PCMTD1: variants seen among roughly 807,000 people sequenced by gnomAD.
PCMTD1 encodes the protein protein-L-isoaspartate O-methyltransferase domain-containing protein 1.
PCMTD1 carries 12 observed loss-of-function variants against 37.6 expected under a neutral mutation model. The observed-to-expected ratio is 0.32, with a 90% CI of 0.20 to 0.52. PCMTD1 has a LOEUF of 0.52. Among genes scored for constraint, PCMTD1 ranks in the 20% least tolerant of loss-of-function variants. PCMTD1 has a pLI of 0.97. For synonymous variants in PCMTD1, 117 were observed against 135.8 expected, an observed-to-expected ratio of 0.86 and a Z score of 0.96; for missense variants, 235 against 421.3, an observed-to-expected ratio of 0.56 and a Z score of 3.87.
In PCMTD1 at chr8:51,833,507, G is replaced by C; in HGVS notation, c.582+11C>G. 1 of 1,595,354 alleles carries C rather than the reference G, an allele frequency of 6.3e-7. No individual in the cohort carries two copies. The highest frequency in any genetic ancestry group is 2.3e-5 in the East Asian group (1 of 43,974). ...TCCTAGGCCACTAAAGAAAAGGAGA[G>C]TGGAAGTTACCTGATCCTCTATAGG... On this transcript the variant is annotated intron_variant, in intron 4 of 5. Transcript: ENST00000522514.
intron 2 of PCMTD1, among the ~76,000 whole-genome samples, chr8:51,856,363 G>T (rs1166649833): frequency 1.3e-5 from 2 of 152,136 alleles, no homozygotes; most frequent in African/African-American, 4.8e-5. Context: ...GAAGTAACAA[G>T]TATTAGTGAG....
chr8:51,873,598 G>A (rs13267846), intron 1 of PCMTD1, among the ~76,000 whole-genome samples: 104,451 of 151,938 alleles, frequency 0.69, 42,356 homozygotes, highest in Non-Finnish European at 0.9. Context: ...CCCAATTGCA[G>A]GCAGTGATTG....
intron 2 of PCMTD1, among the ~76,000 whole-genome samples, chr8:51,858,342 T>C (rs1352862797): frequency 1.3e-5 from 2 of 152,176 alleles, no homozygotes; most frequent in Non-Finnish European, 2.9e-5. Flanking sequence ...GTTATCCCTA[T>C]CTTGTGAGTG....
rs950300100 is a variant in PCMTD1 at position 51,846,696 on chromosome 8, G to A, written c.308-933C>T. Among the ~76,000 whole-genome samples the A allele has an allele frequency of 9.9e-5, 15 of 152,166 alleles. 1 individual carries two copies. The highest frequency in any genetic ancestry group is 9.8e-4 in the Admixed American group (15 of 15,268). ...TCTACCAAATGTCTAAAACAACAGT[G>A]CATATTTGGATTGTTTCTACTGACC... On this transcript the variant is annotated intron_variant, in intron 2 of 5. Coordinates refer to ENST00000522514, the MANE Select transcript of PCMTD1 (RefSeq NM_052937.4).
At chr8:51,842,475 C>T (rs2038161674) in intron 3 of PCMTD1, among the ~76,000 whole-genome samples, 1 of 151,930 alleles carries the variant, frequency 6.6e-6, no homozygotes, top group Admixed American at 6.6e-5. Flanking sequence ...GAACCATACC[C>T]AGCTAATTTT....
chr8:51,892,583 G>A (rs71513560), intron 1 of PCMTD1, among the ~76,000 whole-genome samples: 9,410 of 152,278 alleles, frequency 0.062, 382 homozygotes, highest in Non-Finnish European at 0.088. Flanking sequence ...CCTTCAAAGT[G>A]TTGTCACAAC....
intron 1 of PCMTD1, among the ~76,000 whole-genome samples, chr8:51,887,676 TAA>T (rs1020931278): frequency 1.0e-4 from 14 of 139,380 alleles, no homozygotes; most frequent in Non-Finnish European, 1.4e-4. Flanking sequence ...TAAAATAAAT[TAA>T]AAAAAAAAAA....
intron 3 of PCMTD1, among the ~76,000 whole-genome samples, chr8:51,843,075 A>G (rs893047667): frequency 2.0e-5 from 3 of 152,174 alleles, no homozygotes; most frequent in Non-Finnish European, 2.9e-5. Context: ...AAGTTTAACT[A>G]TTATCCACAA....
intron 3 of PCMTD1, among the ~76,000 whole-genome samples, chr8:51,842,605 T>C (rs2038163655): frequency 6.6e-6 from 1 of 151,976 alleles, no homozygotes; most frequent in Non-Finnish European, 1.5e-5. Context: ...GATTATAGTG[T>C]CAGCCACCAC....
intron 1 of PCMTD1, among the ~76,000 whole-genome samples, chr8:51,874,488 A>G (rs2038684645): frequency 6.6e-6 from 1 of 152,230 alleles, no homozygotes; most frequent in Non-Finnish European, 1.5e-5. Context: ...TTAAATGGTT[A>G]CTGTATTTTC....
At chr8:51,857,313 A>G (rs1019682876) in intron 2 of PCMTD1, among the ~76,000 whole-genome samples, 11 of 152,254 alleles carry the variant, frequency 7.2e-5, no homozygotes, top group South Asian at 2.1e-4. Context: ...CTAGGGAAAT[A>G]GGCAAGAGAC....
At chr8:51,881,067 T>C (rs1399724024) in intron 1 of PCMTD1, among the ~76,000 whole-genome samples, 1 of 152,150 alleles carries the variant, frequency 6.6e-6, no homozygotes, top group Non-Finnish European at 1.5e-5. Context: ...CTCATCTTCT[T>C]CCCAAATCAA....
At chr8:51,847,770 A>G (rs1172187908) in intron 2 of PCMTD1, among the ~76,000 whole-genome samples, 1 of 152,018 alleles carries the variant, frequency 6.6e-6, no homozygotes, top group Non-Finnish European at 1.5e-5. Context: ...AGATGTTTAC[A>G]TTTTCATTAT....
intron 1 of PCMTD1, among the ~76,000 whole-genome samples, chr8:51,883,054 G>A (rs13277735): frequency 0.69 from 103,839 of 151,162 alleles, 42,131 homozygotes; most frequent in Non-Finnish European, 0.9. Flanking sequence ...GGAGAATGGC[G>A]TGAACCCAGG....
intron 1 of PCMTD1, among the ~76,000 whole-genome samples, chr8:51,868,912 T>C (rs935099733): frequency 8.5e-5 from 13 of 152,154 alleles, no homozygotes; most frequent in African/African-American, 3.1e-4. Flanking sequence ...TTTAAGGAAC[T>C]ATATACTTCG....
At chr8:51,848,256 C>A (rs1007646760) in intron 2 of PCMTD1, among the ~76,000 whole-genome samples, 1 of 149,080 alleles carries the variant, frequency 6.7e-6, no homozygotes, top group South Asian at 2.1e-4. Context: ...CACTACAATC[C>A]GGGCTGGGCA....
At chr8:51,873,085 C>T (rs149242706) in intron 1 of PCMTD1, among the ~76,000 whole-genome samples, 1 of 152,262 alleles carries the variant, frequency 6.6e-6, no homozygotes, top group Non-Finnish European at 1.5e-5. Flanking sequence ...TACGGATGAA[C>T]ACAAGTGAAA....
rs1489656952 is a variant in PCMTD1 at position 51,819,231 on chromosome 8, G to A, written c.*1120C>T. ...AAATGAACATGGCATAGGTCCCAAA[G>A]ATTACACTATGATTCTGAACAGCAT... is the stretch of plus-strand genomic sequence containing the variant. On this transcript the variant is annotated 3_prime_UTR_variant, in exon 6 of 6. Transcript: ENST00000522514. 6.6e-6 allele frequency: 1 copy of A among 151,982 alleles called. No homozygotes were observed. The highest frequency in any genetic ancestry group is 2.4e-5 in the African/African-American group (1 of 41,388). 9.4% of individuals were successfully genotyped at this position (151,982 alleles called of 1,614,324 possible). A position where few individuals can be genotyped will look rare whatever the true frequency, so the allele number is the denominator to read the frequency against.
chr8:51,850,059 T>C, intron 2 of PCMTD1: 1 of 702,364 alleles, frequency 1.4e-6, no homozygotes, highest in Non-Finnish European at 2.6e-6. Context: ...GATCCATCAT[T>C]TCAGTTGAGG....
Sources: gnomAD v4.1 joint callset for allele counts (sites outside exome capture counted in the v4.1 genomes callset) on GRCh38, gnomAD v4.1.1 for gene constraint, MANE v1.5 for transcripts, NCBI Gene and HGNC (gene_info 2026-07-23, HGNC 2026-07-21) for gene names.